The following UXS1 variants were observed in gnomAD, a reference collection of about 807,000 sequenced individuals.
The protein encoded by UXS1 is UDP-glucuronic acid decarboxylase 1.
UXS1 carries 33 observed loss-of-function variants against 62.6 expected under a neutral mutation model. The ratio of observed to expected loss-of-function variants is 0.53; its 90% CI spans 0.40 to 0.70. The LOEUF (loss-of-function observed/expected upper bound fraction) is 0.70. UXS1 is among the 30% of genes least tolerant of loss of function. The pLI, the probability that UXS1 is intolerant of heterozygous loss-of-function variation, is 0.00. For missense variants in UXS1, 434 were observed against 556.3 expected, an observed-to-expected ratio of 0.78 and a Z score of 2.21; for synonymous variants, 213 against 206.8, an observed-to-expected ratio of 1.03 and a Z score of -0.26.
At chr2:106,158,176 C>T in intron 4 of UXS1, 58 bp from the exon 5 acceptor site, 1 of 1,405,568 alleles carries the variant, frequency 7.1e-7, no homozygotes, top group South Asian at 1.2e-5. Flanking sequence ...TGAATATTTT[C>T]TCTGTCTACC....
chr2:106,194,064 G>C, intron 1 of UXS1, 84 bp downstream of exon 1: 22 of 1,163,756 alleles, frequency 1.9e-5, no homozygotes, highest in Non-Finnish European at 2.3e-5. Context: ...GGGCCGCCTC[G>C]GGGCCCCGAA....
In UXS1 at chr2:106,142,599, T is replaced by C. The variant is rs72947308; in HGVS notation, c.472+2591A>G. Among the ~76,000 whole-genome samples, 1,003 of 152,320 alleles carry C rather than the reference T, an allele frequency of 6.6e-3. 12 individuals are homozygous for C. Among genetic ancestry groups the C allele is most frequent in the African/African-American group, 0.023 (944 of 41,568 alleles). ...TGAGAATATGATCAGTCTTGGAGAA[T>C]GTTCCATGTGGGCTTCAAAGGAAGG... On this transcript the variant is annotated intron_variant, in intron 6 of 14. Transcript: ENST00000283148.
intron 6 of UXS1, among the ~76,000 whole-genome samples, chr2:106,141,171 C>T (rs530483797): frequency 6.6e-6 from 1 of 152,258 alleles, no homozygotes; most frequent in Admixed American, 6.5e-5. Flanking sequence ...GTAAAGAGAT[C>T]TAGCTAGTAT....
rs140928981 is a variant in UXS1 at position 106,108,904 on chromosome 2, A to G, written c.879+3742T>C. Among the ~76,000 whole-genome samples, 62 of 152,262 alleles carry G rather than the reference A, an allele frequency of 4.1e-4. 1 individual carries two copies. The East Asian group carries it at 0.012, about 29-fold the overall frequency. On this transcript the variant is annotated intron_variant, in intron 10 of 14. Coordinates refer to ENST00000283148, the MANE Select transcript of UXS1 (RefSeq NM_001253875.2). The stretch of plus-strand genomic sequence containing the variant: ...CACTTCCTTGTAAAATGTAGTTTTG[A>G]CAAGAACCCTGCTAAGTCAGTTTCA...
chr2:106,153,174 A>G (rs1217607101), intron 5 of UXS1, among the ~76,000 whole-genome samples: 1 of 152,248 alleles, frequency 6.6e-6, no homozygotes, highest in Non-Finnish European at 1.5e-5. Context: ...GAGGACACTT[A>G]AGAAACCTCC....
chr2:106,097,119 T>A (rs1259364074), intron 13 of UXS1: 3 of 522,824 alleles, frequency 5.7e-6, no homozygotes, highest in Non-Finnish European at 1.1e-5. Flanking sequence ...ACAAGAGGGT[T>A]GCTCCAAGGC....
chr2:106,178,379 C>T (rs1176923377), intron 1 of UXS1, among the ~76,000 whole-genome samples: 1 of 152,170 alleles, frequency 6.6e-6, no homozygotes, highest in Non-Finnish European at 1.5e-5. Flanking sequence ...ATATGTACCA[C>T]TATATTATGT....
intron 4 of UXS1, among the ~76,000 whole-genome samples, chr2:106,162,708 TA>T (rs1406106266): frequency 6.6e-6 from 1 of 152,240 alleles, no homozygotes; most frequent in African/African-American, 2.4e-5. Context: ...AGGAATCTGT[TA>T]AAAATTACTG....
chr2:106,141,159 T>C (rs1226015027), intron 6 of UXS1, among the ~76,000 whole-genome samples: 1 of 152,162 alleles, frequency 6.6e-6, no homozygotes, highest in Non-Finnish European at 1.5e-5. Flanking sequence ...ACCCGTGTCT[T>C]GGTAAAGAGA....
intron 1 of UXS1, among the ~76,000 whole-genome samples, chr2:106,191,712 C>T (rs1684948129): frequency 1.3e-5 from 2 of 152,228 alleles, no homozygotes; most frequent in Admixed American, 1.3e-4. Flanking sequence ...CGCAGGACCT[C>T]TGCACACACT....
At chr2:106,146,750 G>A (rs1470811680) in intron 5 of UXS1, among the ~76,000 whole-genome samples, 1 of 135,608 alleles carries the variant, frequency 7.4e-6, no homozygotes, top group Non-Finnish European at 1.6e-5. Context: ...CTCCAGCCTG[G>A]GTGACAGAGA....
intron 1 of UXS1, among the ~76,000 whole-genome samples, chr2:106,176,238 T>G (rs1032053234): frequency 6.6e-6 from 1 of 152,070 alleles, no homozygotes; most frequent in Non-Finnish European, 1.5e-5. Context: ...GAAAGATGCA[T>G]CCTTACTCAC....
intron 1 of UXS1, among the ~76,000 whole-genome samples, chr2:106,174,427 G>T (rs1445232072): frequency 6.6e-6 from 1 of 152,184 alleles, no homozygotes; most frequent in African/African-American, 2.4e-5. Context: ...CGGTCCTGAG[G>T]GTGAGGACAG....
At chr2:106,194,046 G>C (rs778840939) in intron 1 of UXS1, 102 bp downstream of exon 1, 14 of 864,914 alleles carry the variant, frequency 1.6e-5, no homozygotes, top group Admixed American at 9.0e-5. Flanking sequence ...GAGCAACGCG[G>C]GGCTGCAGGG....
chr2:106,172,650 T>A (rs1336744064), intron 1 of UXS1, among the ~76,000 whole-genome samples: 2 of 152,006 alleles, frequency 1.3e-5, no homozygotes, highest in Non-Finnish European at 2.9e-5. Flanking sequence ...AGGCCACAGG[T>A]CTGTACTTCA....
chr2:106,151,327 T>G (rs4851114), intron 5 of UXS1, among the ~76,000 whole-genome samples: 148,376 of 152,270 alleles, frequency 0.97, 72,387 homozygotes, highest in South Asian at 1. Flanking sequence ...ACCCCCAAAA[T>G]CATGTGCTGG....
At chr2:106,174,386 G>A (rs540829461) in intron 1 of UXS1, among the ~76,000 whole-genome samples, 1 of 152,380 alleles carries the variant, frequency 6.6e-6, no homozygotes, top group Non-Finnish European at 1.5e-5. Flanking sequence ...GAGGTGAACA[G>A]AGAGTAAATA....
rs372422882 is a variant in UXS1, at chr2:106,178,821, A to G, written c.95-12738T>C. 1.5e-3 allele frequency among the ~76,000 whole-genome samples: 197 copies of G among 134,592 alleles called. 1 individual carries two copies. The highest frequency in any genetic ancestry group is 5.2e-3 in the African/African-American group (189 of 36,130). The allele number at this position is 134,592 out of a possible 152,430, so 88.3% of individuals were successfully genotyped here. ...CGGCAAGCTGGGCAGTGTAGTTCTG[A>G]GCACACCCAGTGCCCCCCAGCCTTC... On this transcript the variant is annotated intron_variant, in intron 1 of 14. Coordinates refer to ENST00000283148, the MANE Select transcript of UXS1 (RefSeq NM_001253875.2).
intron 14 of UXS1, among the ~76,000 whole-genome samples, chr2:106,095,607 C>A (rs1237711255): frequency 6.6e-6 from 1 of 152,232 alleles, no homozygotes; most frequent in East Asian, 1.9e-4. Context: ...TTGTTGAGCA[C>A]CCAGTGTGTG....
Sources: gnomAD v4.1 joint callset for allele counts (sites outside exome capture counted in the v4.1 genomes callset) on GRCh38, gnomAD v4.1.1 for gene constraint, MANE v1.5 for transcripts, NCBI Gene and HGNC (gene_info 2026-07-23, HGNC 2026-07-21) for gene names.